PGBD2: variants seen among roughly 807,000 people sequenced by gnomAD.
PGBD2 encodes piggyBac transposable element-derived protein 2.
In PGBD2, 6 loss-of-function variants were observed where a neutral mutation model predicts 8.1. That is an observed-to-expected ratio of 0.74 (90% CI 0.40 to 1.46). PGBD2 has a LOEUF of 1.46. Among genes scored for constraint, PGBD2 ranks in the 40% most tolerant of loss-of-function variants. The pLI, the probability that PGBD2 is intolerant of heterozygous loss-of-function variation, is 0.02. For missense variants in PGBD2, 802 were observed against 739.0 expected, an observed-to-expected ratio of 1.09 and a Z score of -0.99; for synonymous variants, 318 against 272.2, an observed-to-expected ratio of 1.17 and a Z score of -1.66.
At chr1:248,877,605 T>C in the PGBD2 span, among the ~76,000 whole-genome samples, 724 of 152,268 alleles carry the variant, frequency 4.8e-3, 3 homozygotes, top group Admixed American at 0.01. Flanking sequence ...AAGAATTCTA[T>C]TTAAGGGGCA....
chr1:248,896,579 C>CA, the PGBD2 span, among the ~76,000 whole-genome samples: 1,394 of 152,252 alleles, frequency 9.2e-3, 12 homozygotes, highest in Non-Finnish European at 0.015. Context: ...TGAGTAGCAG[C>CA]ACACCTATAG....
At chr1:248,874,967 T>C in the PGBD2 span, among the ~76,000 whole-genome samples, 1 of 151,406 alleles carries the variant, frequency 6.6e-6, no homozygotes, top group Non-Finnish European at 1.5e-5. Context: ...GACAAATAGA[T>C]AGAGATAGGT....
At chr1:248,886,620 C>T in the PGBD2 span, among the ~76,000 whole-genome samples, 1 of 152,170 alleles carries the variant, frequency 6.6e-6, no homozygotes, top group African/African-American at 2.4e-5. Context: ...GTTTAAACTG[C>T]CCAGCTGCCC....
chr1:248,896,521 G>C, the PGBD2 span, among the ~76,000 whole-genome samples: 1 of 151,944 alleles, frequency 6.6e-6, no homozygotes, highest in Admixed American at 6.6e-5. Context: ...CACAGCTCAC[G>C]GCAGCCTCAA....
At position 248,918,917 on chromosome 1, in the gene PGBD2, G is replaced by A. The variant is rs1275873576; in HGVS notation, c.*554G>A. 1 of 166,920 alleles carries A rather than the reference G, an allele frequency of 6.0e-6. No individual in the cohort carries two copies. The highest frequency in any genetic ancestry group is 1.9e-4 in the East Asian group (1 of 5,210). 10.3% of individuals were successfully genotyped at this position (166,920 alleles called of 1,614,324 possible). On this transcript the variant is annotated 3_prime_UTR_variant, in exon 3 of 3. Transcript: ENST00000329291. ...ATTTTCCTAATACACATATATCAAT[G>A]TGAGATTCATTTTTGTAAAAAAAAT...
upstream of PGBD2, among the ~76,000 whole-genome samples, chr1:248,904,992 C>G (rs914042406): frequency 1.3e-5 from 2 of 152,176 alleles, no homozygotes; most frequent in Admixed American, 6.5e-5. Flanking sequence ...AGAAGACACT[C>G]ATTTAACACT....
chr1:248,907,401 G>A (rs1046567143), intron 1 of PGBD2, among the ~76,000 whole-genome samples: 1 of 152,210 alleles, frequency 6.6e-6, no homozygotes, highest in Non-Finnish European at 1.5e-5. Context: ...GTTCCCAGGG[G>A]CAGGCAGGAC....
At chr1:248,890,721 G>C in the PGBD2 span, among the ~76,000 whole-genome samples, 2 of 144,282 alleles carry the variant, frequency 1.4e-5, no homozygotes. Context: ...CCCACACCCA[G>C]CTACGCTACA....
At chr1:248,910,455 C>T (rs1661832095) in intron 1 of PGBD2, among the ~76,000 whole-genome samples, 1 of 152,192 alleles carries the variant, frequency 6.6e-6, no homozygotes, top group Non-Finnish European at 1.5e-5. Context: ...AGGGTAGGTA[C>T]CATGATGATC....
At chr1:248,915,759 T>C (rs918744999) in intron 2 of PGBD2, among the ~76,000 whole-genome samples, 1 of 152,230 alleles carries the variant, frequency 6.6e-6, no homozygotes, top group Non-Finnish European at 1.5e-5. Context: ...AAGGGAGCTA[T>C]CTGAAAATCC....
chr1:248,885,109 T>G, the PGBD2 span, among the ~76,000 whole-genome samples: 1,176 of 152,242 alleles, frequency 7.7e-3, 13 homozygotes, highest in African/African-American at 0.027. Context: ...GGGTCTCTTC[T>G]GTCATTGGAG....
chr1:248,915,113 A>T (rs1662047374), intron 2 of PGBD2, among the ~76,000 whole-genome samples: 1 of 152,120 alleles, frequency 6.6e-6, no homozygotes, highest in Non-Finnish European at 1.5e-5. Flanking sequence ...CTTATCCGGG[A>T]TGGCATTCAT....
Position 248,917,492 on chromosome 1 carries a change from G to A in PGBD2, c.908G>A (p.Arg303Lys). 1.2e-6 allele frequency: 2 copies of A among 1,614,180 alleles called. No homozygotes were observed. The highest frequency in any genetic ancestry group is 1.7e-6 in the Non-Finnish European group (2 of 1,180,030). Residue 303 changes from arginine (R) to lysine (K), a missense_variant, in exon 3 of 3, where the codon AGA (arginine) becomes AAA (lysine). By Grantham distance (26) the Arg-to-Lys change is conservative (BLOSUM62 2). Coordinates refer to ENST00000329291, the MANE Select transcript of PGBD2 (RefSeq NM_170725.3). ...AAGATTTGGTGTGGGACAACCAGCA[G>A]AGGCTACTTGGTGTGGTTTGAGCCC... ...GYKIWCGTTS[R>K]GYLVWFEPSQ...
chr1:248,875,150 G>A, the PGBD2 span, among the ~76,000 whole-genome samples: 28 of 152,052 alleles, frequency 1.8e-4, no homozygotes, highest in East Asian at 4.1e-3. Context: ...ACAAAAATTA[G>A]CTGAGCGTGG....
At chr1:248,906,163 G>A (rs1039477419), upstream of PGBD2, 3 of 151,814 alleles carry the variant, frequency 2.0e-5, no homozygotes, top group Non-Finnish European at 4.4e-5. Flanking sequence ...ATGGTCGCTC[G>A]GGCCGGGGCG....
chr1:248,889,122 C>T, the PGBD2 span, among the ~76,000 whole-genome samples: 18 of 152,194 alleles, frequency 1.2e-4, no homozygotes, highest in Admixed American at 1.2e-3. Context: ...AACTGTGGCT[C>T]ACGCCTGTAA....
At chr1:248,920,655 AC>A (rs1038865882), downstream of PGBD2, among the ~76,000 whole-genome samples, 76 of 152,330 alleles carry the variant, frequency 5.0e-4, no homozygotes, top group Non-Finnish European at 6.8e-4. Flanking sequence ...TTGGGTATAT[AC>A]CCAGTAATGA....
chr1:248,900,074 T>C, the PGBD2 span, among the ~76,000 whole-genome samples: 1 of 130,432 alleles, frequency 7.7e-6, no homozygotes, highest in Non-Finnish European at 1.5e-5. Flanking sequence ...GTTCTGAAAT[T>C]GAGGCAGTAA....
chr1:248,902,514 T>C (rs1299971920), upstream of PGBD2, among the ~76,000 whole-genome samples: 1 of 152,154 alleles, frequency 6.6e-6, no homozygotes, highest in African/African-American at 2.4e-5. Flanking sequence ...CACAGGAATA[T>C]AAATCATTCT....
Sources: gnomAD v4.1 joint callset for allele counts (sites outside exome capture counted in the v4.1 genomes callset) on GRCh38, gnomAD v4.1.1 for gene constraint, MANE v1.5 for transcripts, NCBI Gene and HGNC (gene_info 2026-07-23, HGNC 2026-07-21) for gene names.